AKAP6: variants seen among roughly 807,000 people sequenced by gnomAD.
AKAP6 encodes the protein A-kinase anchoring protein 6.
Under a neutral mutation model 188.5 loss-of-function variants are expected in AKAP6, and 58 were observed. That is an observed-to-expected ratio of 0.31 (90% CI 0.25 to 0.38). AKAP6 has a LOEUF of 0.38. AKAP6 is among the 10% of genes least tolerant of loss of function. The pLI, the probability that AKAP6 is intolerant of heterozygous loss-of-function variation, is 1.00. For synonymous variants in AKAP6, 989 were observed against 998.6 expected (o/e 0.99, Z 0.18); for missense variants, 2,710 against 2,740.0 (o/e 0.99, Z 0.24).
intron 12 of AKAP6, among the ~76,000 whole-genome samples, chr14:32,819,529 C>T (rs1041397756): frequency 1.3e-5 from 2 of 152,156 alleles, no homozygotes; most frequent in East Asian, 1.9e-4. Context: ...TCTGCCAAGT[C>T]GTGAATCCCT....
At chr14:32,761,728 C>CT (rs2032546500) in intron 11 of AKAP6, among the ~76,000 whole-genome samples, 1 of 151,742 alleles carries the variant, frequency 6.6e-6, no homozygotes, top group South Asian at 2.1e-4. Flanking sequence ...TATTATGATT[C>CT]TTTTTTCAGA....
At chr14:32,333,204 A>G (rs1886586959) in intron 1 of AKAP6, among the ~76,000 whole-genome samples, 1 of 152,152 alleles carries the variant, frequency 6.6e-6, no homozygotes, top group Non-Finnish European at 1.5e-5. Context: ...TGCTAGGTAC[A>G]ATGACTACAG....
At chr14:32,592,503 G>A (rs573449640) in intron 5 of AKAP6, among the ~76,000 whole-genome samples, 5 of 152,228 alleles carry the variant, frequency 3.3e-5, no homozygotes, top group African/African-American at 1.2e-4. Flanking sequence ...GAGTAGAATC[G>A]GAGCAAGACA....
At chr14:32,826,105 C>T (rs1245718953) in intron 13 of AKAP6, among the ~76,000 whole-genome samples, 1 of 151,836 alleles carries the variant, frequency 6.6e-6, no homozygotes, top group Non-Finnish European at 1.5e-5. Flanking sequence ...TTTCCTGCAA[C>T]ACCTGTGCCC....
intron 2 of AKAP6, among the ~76,000 whole-genome samples, chr14:32,477,183 G>A (rs556947146): frequency 1.2e-4 from 19 of 152,274 alleles, no homozygotes; most frequent in African/African-American, 4.1e-4. Context: ...TTTGGAAGGG[G>A]TCTGGGTTTC....
At chr14:32,705,509 CTT>C (rs1029887449) in intron 9 of AKAP6, among the ~76,000 whole-genome samples, 1 of 152,044 alleles carries the variant, frequency 6.6e-6, no homozygotes, top group African/African-American at 2.4e-5. Context: ...GAGAAAGAAA[CTT>C]ATCAAATAGT....
intron 1 of AKAP6, among the ~76,000 whole-genome samples, chr14:32,371,695 G>T (rs1328728915): frequency 6.6e-6 from 1 of 152,202 alleles, no homozygotes; most frequent in African/African-American, 2.4e-5. Context: ...AAAGCTTCAT[G>T]AAAAGGTGGG....
intron 12 of AKAP6, among the ~76,000 whole-genome samples, chr14:32,795,486 T>A (rs911764578): frequency 6.6e-6 from 1 of 152,176 alleles, no homozygotes. Context: ...TGGTTCAACA[T>A]ATGTGAGTCA....
At position 32,835,577 on chromosome 14, in the gene AKAP6, C is replaced by T. The variant is rs2034867149; in HGVS notation, c.*5772C>T. ...AATTAAATTCAGGCCATTTCACAGTCAGTTTTTTTCAAATTCATTTTTCAA... is the reference window on the plus strand; with the variant it reads ...AATTAAATTCAGGCCATTTCACAGTTAGTTTTTTTCAAATTCATTTTTCAA... On this transcript the variant is annotated 3_prime_UTR_variant, in exon 14 of 14. Transcript: ENST00000280979. 6.6e-6 allele frequency: 1 copy of T among 152,150 alleles called. No homozygotes were observed. The highest frequency in any genetic ancestry group is 1.5e-5 in the Non-Finnish European group (1 of 68,028). 9.4% of individuals were successfully genotyped at this position (152,150 alleles called of 1,614,324 possible). A position where few individuals can be genotyped will look rare whatever the true frequency, so the allele number is the denominator to read the frequency against.
chr14:32,485,518 G>C (rs942768012), intron 2 of AKAP6, among the ~76,000 whole-genome samples: 2 of 152,194 alleles, frequency 1.3e-5, no homozygotes, highest in African/African-American at 2.4e-5. Flanking sequence ...ACTGGTGTGA[G>C]ATGGTATCTC....
intron 7 of AKAP6, among the ~76,000 whole-genome samples, chr14:32,671,260 C>T (rs938800083): frequency 6.6e-6 from 1 of 152,078 alleles, no homozygotes; most frequent in African/African-American, 2.4e-5. Flanking sequence ...GCACACCCAC[C>T]AGCCCTGCTG....
intron 1 of AKAP6, among the ~76,000 whole-genome samples, chr14:32,349,763 T>C (rs552698750): frequency 6.6e-6 from 1 of 152,266 alleles, no homozygotes; most frequent in Admixed American, 6.5e-5. Context: ...TATACACCAT[T>C]CATCAATAAA....
At chr14:32,457,792 T>C (rs1250174787) in intron 2 of AKAP6, among the ~76,000 whole-genome samples, 1 of 152,226 alleles carries the variant, frequency 6.6e-6, no homozygotes, top group African/African-American at 2.4e-5. Flanking sequence ...TAGATAGAGA[T>C]GTTATAAACT....
chr14:32,676,990 T>A (rs1477710805), intron 7 of AKAP6, among the ~76,000 whole-genome samples: 1 of 151,962 alleles, frequency 6.6e-6, no homozygotes, highest in Non-Finnish European at 1.5e-5. Flanking sequence ...TGCGCCCGGG[T>A]AATTTTTGTA....
chr14:32,556,919 CTCT>C (rs1338415922), intron 4 of AKAP6, among the ~76,000 whole-genome samples: 12 of 151,612 alleles, frequency 7.9e-5, no homozygotes, highest in Non-Finnish European at 1.8e-4. Flanking sequence ...TTCTCTCTCT[CTCT>C]TTTTTTTTTA....
intron 2 of AKAP6, among the ~76,000 whole-genome samples, chr14:32,497,582 A>C (rs1880386504): frequency 6.6e-6 from 1 of 152,122 alleles, no homozygotes; most frequent in African/African-American, 2.4e-5. Flanking sequence ...AGTAGAAAAG[A>C]AAGTATTCTA....
chr14:32,626,136 A>G (rs1887012967), intron 7 of AKAP6, among the ~76,000 whole-genome samples: 1 of 152,142 alleles, frequency 6.6e-6, no homozygotes, highest in Admixed American at 6.6e-5. Context: ...CTCATCGTCA[A>G]GTCAGATAGG....
chr14:32,453,833 C>T (rs573030999), intron 2 of AKAP6, among the ~76,000 whole-genome samples: 1 of 151,904 alleles, frequency 6.6e-6, no homozygotes, highest in Admixed American at 6.5e-5. Context: ...GATCCGCCCG[C>T]CTCGGCCTCC....
chr14:32,605,713 A>C (rs1405150815), intron 7 of AKAP6, among the ~76,000 whole-genome samples: 1 of 152,154 alleles, frequency 6.6e-6, no homozygotes, highest in Non-Finnish European at 1.5e-5. Flanking sequence ...CCATGACGTG[A>C]CCTTGCACAG....
Sources: allele counts gnomAD v4.1 joint callset (sites outside exome capture counted in the v4.1 genomes callset), GRCh38; gene constraint gnomAD v4.1.1; transcripts MANE v1.5; gene names NCBI Gene and HGNC (gene_info 2026-07-23, HGNC 2026-07-21).